Variants in MDGA2 observed in about 807,000 individuals in gnomAD.
MDGA2 encodes the protein MAM domain-containing glycosylphosphatidylinositol anchor protein 2.
A neutral mutation model predicts 117.8 loss-of-function variants in MDGA2; 40 were observed. That is an observed-to-expected ratio of 0.34 (90% CI 0.26 to 0.44). MDGA2 has a LOEUF of 0.44. Ranked by LOEUF, MDGA2 falls within the 20% of genes least tolerant of loss-of-function variation. The pLI is 1.00. For synonymous variants in MDGA2, 452 were observed against 439.0 expected, an observed-to-expected ratio of 1.03 and a Z score of -0.37; for missense variants, 1,123 against 1,250.6, an observed-to-expected ratio of 0.90 and a Z score of 1.54.
chr14:46,938,667 A>G (rs1159773945), intron 9 of MDGA2, among the ~76,000 whole-genome samples: 1 of 152,032 alleles, frequency 6.6e-6, no homozygotes, highest in Non-Finnish European at 1.5e-5. Context: ...GTTGGTGGGA[A>G]TGTAAATTAA....
intron 5 of MDGA2, among the ~76,000 whole-genome samples, chr14:47,112,771 T>C (rs1352060067): frequency 6.6e-6 from 1 of 152,174 alleles, no homozygotes; most frequent in African/African-American, 2.4e-5. Flanking sequence ...ATAGGATTGC[T>C]GGGTCAAATG....
chr14:47,618,475 T>C (rs1338810660), intron 1 of MDGA2, among the ~76,000 whole-genome samples: 2 of 152,200 alleles, frequency 1.3e-5, no homozygotes, highest in East Asian at 3.9e-4. Flanking sequence ...ACTCCCTGAA[T>C]GTGACCCGTC....
rs563350764 is a variant in MDGA2 at position 47,225,494 on chromosome 14, A to G, written c.421-7299T>C. 8.1e-4 allele frequency among the ~76,000 whole-genome samples: 123 copies of G among 152,110 alleles called. 1 individual carries two copies. Among genetic ancestry groups the G allele is most frequent in the Non-Finnish European group, 1.3e-3 (90 of 68,020 alleles). On this transcript the variant is annotated intron_variant, in intron 2 of 16. Transcript: ENST00000399232. ...TACTATGCAGCCATAAAAAAGGATG[A>G]GTTCATGTCCTTTGTAGGGACATGG...
intron 1 of MDGA2, among the ~76,000 whole-genome samples, chr14:47,558,342 T>C (rs561363897): frequency 2.0e-5 from 3 of 152,330 alleles, no homozygotes; most frequent in South Asian, 4.1e-4. Flanking sequence ...TAGGCTAATA[T>C]AATGCTAGTT....
chr14:47,281,821 C>A (rs1243437954), intron 2 of MDGA2, among the ~76,000 whole-genome samples: 1 of 152,022 alleles, frequency 6.6e-6, no homozygotes, highest in Non-Finnish European at 1.5e-5. Flanking sequence ...CTTTGGGAGA[C>A]CGAGGTGAGC....
intron 9 of MDGA2, among the ~76,000 whole-genome samples, chr14:46,939,074 A>T (rs770281100): frequency 6.6e-6 from 1 of 152,160 alleles, no homozygotes; most frequent in Non-Finnish European, 1.5e-5. Context: ...GATCTCATAA[A>T]TGTAAAGGGT....
chr14:47,074,202 T>G (rs1250492302), intron 6 of MDGA2, among the ~76,000 whole-genome samples: 2 of 152,198 alleles, frequency 1.3e-5, no homozygotes, highest in Non-Finnish European at 2.9e-5. Context: ...TCTGAAGCTA[T>G]TTCTTATTTA....
At chr14:47,322,745 A>C (rs904965229) in intron 1 of MDGA2, among the ~76,000 whole-genome samples, 1 of 152,206 alleles carries the variant, frequency 6.6e-6, no homozygotes. Flanking sequence ...TATGAAGAGT[A>C]GCCTGTTGTT....
At chr14:47,426,947 G>C (rs902767276) in intron 1 of MDGA2, among the ~76,000 whole-genome samples, 1 of 151,752 alleles carries the variant, frequency 6.6e-6, no homozygotes, top group Non-Finnish European at 1.5e-5. Flanking sequence ...TTAAATCATA[G>C]GAAAAATGTC....
intron 1 of MDGA2, among the ~76,000 whole-genome samples, chr14:47,375,150 G>C (rs1454073302): frequency 6.7e-6 from 1 of 149,198 alleles, no homozygotes; most frequent in African/African-American, 2.5e-5. Flanking sequence ...TCTTCAGAGG[G>C]TTCAACTAGT....
chr14:47,177,837 T>C lies in MDGA2; in HGVS notation c.596-33563A>G, dbSNP rs183801920. 2.0e-5 allele frequency among the ~76,000 whole-genome samples: 3 copies of C among 152,184 alleles called. No homozygotes were observed. In the East Asian group the frequency reaches 5.8e-4, roughly 29 times the overall value. ...AAAATTAAAAAGAAGAAATTTTATG[T>C]TAATTTATTATATGTATGTGGTGTG... On this transcript the variant is annotated intron_variant, in intron 3 of 16. Transcript: ENST00000399232.
chr14:46,861,209 T>G lies in MDGA2; in HGVS notation c.2753-6055A>C, dbSNP rs1566495353. Among the ~76,000 whole-genome samples, 4 of 152,006 alleles carry G rather than the reference T, an allele frequency of 2.6e-5. No individual in the cohort carries two copies. In the South Asian group the frequency reaches 8.3e-4, roughly 31 times the overall value. Reference sequence around the variant, plus strand: ...TTAAAAGAATATTTTTAAGACCTATTATAGTTTGCTAACAAAATAGTGCAT... The same window carrying G: ...TTAAAAGAATATTTTTAAGACCTATGATAGTTTGCTAACAAAATAGTGCAT... On this transcript the variant is annotated intron_variant, in intron 14 of 16. Transcript: ENST00000399232.
chr14:47,559,648 C>T (rs1466469572), intron 1 of MDGA2, among the ~76,000 whole-genome samples: 1 of 151,588 alleles, frequency 6.6e-6, no homozygotes, highest in East Asian at 1.9e-4. Flanking sequence ...TCTTGGCTCA[C>T]TGCAACCCCC....
intron 7 of MDGA2, among the ~76,000 whole-genome samples, chr14:47,056,802 TG>T (rs1167676538): frequency 2.0e-5 from 3 of 152,150 alleles, no homozygotes; most frequent in Non-Finnish European, 4.4e-5. Flanking sequence ...TGCAAATGAG[TG>T]ACAATCAAGT....
chr14:46,932,532 T>C (rs1205222284), intron 9 of MDGA2, among the ~76,000 whole-genome samples: 1 of 152,152 alleles, frequency 6.6e-6, no homozygotes, highest in African/African-American at 2.4e-5. Flanking sequence ...TCTAGTTTTA[T>C]AACCTTTCCT....
chr14:47,390,078 A>C (rs2138435813), intron 1 of MDGA2, among the ~76,000 whole-genome samples: 1 of 152,216 alleles, frequency 6.6e-6, no homozygotes, highest in East Asian at 1.9e-4. Context: ...AATCCGTAGA[A>C]CTTCAGCATT....
At chr14:47,016,698 T>C (rs1353609442) in intron 8 of MDGA2, among the ~76,000 whole-genome samples, 3 of 151,994 alleles carry the variant, frequency 2.0e-5, no homozygotes, top group African/African-American at 7.2e-5. Flanking sequence ...ACCAAACAAA[T>C]TCATAATGAA....
intron 4 of MDGA2, among the ~76,000 whole-genome samples, chr14:47,134,296 A>T (rs1393499981): frequency 2.0e-5 from 3 of 152,026 alleles, no homozygotes; most frequent in Non-Finnish European, 4.4e-5. Context: ...AGTTAATAGT[A>T]CTGTAACTAC....
chr14:47,605,279 T>C (rs927102986), intron 1 of MDGA2, among the ~76,000 whole-genome samples: 4 of 152,212 alleles, frequency 2.6e-5, no homozygotes, highest in African/African-American at 7.2e-5. Flanking sequence ...ATCATTCTTT[T>C]TCACTTATAG....
Sources: gnomAD v4.1 joint callset for allele counts (sites outside exome capture counted in the v4.1 genomes callset) on GRCh38, gnomAD v4.1.1 for gene constraint, MANE v1.5 for transcripts, NCBI Gene and HGNC (gene_info 2026-07-23, HGNC 2026-07-21) for gene names.